The following CNTNAP4 variants were observed in gnomAD, a reference collection of about 807,000 sequenced individuals.
The protein encoded by CNTNAP4 is contactin-associated protein-like 4.
Under a neutral mutation model 148.4 loss-of-function variants are expected in CNTNAP4, and 98 were observed. The ratio of observed to expected loss-of-function variants is 0.66; its 90% confidence interval spans 0.56 to 0.78. The LOEUF is 0.78. CNTNAP4 is among the 30% of genes least tolerant of loss of function. The pLI is 0.00. For synonymous variants in CNTNAP4, 730 were observed against 565.1 expected (o/e 1.29, Z -4.14); for missense variants, 1,935 against 1,565.6 (o/e 1.24, Z -3.98).
chr16:76,448,278 TGCTTTTATA>T, intron 5 of CNTNAP4, 63 bp downstream of exon 5: 1 of 1,190,454 alleles, frequency 8.4e-7, no homozygotes, highest in East Asian at 2.4e-5. Flanking sequence ...AGTCACTTTA[TGCTTTTATA>T]GCTTATCTTT....
chr16:76,532,216 G>T (rs963231378), intron 17 of CNTNAP4, among the ~76,000 whole-genome samples: 7 of 152,190 alleles, frequency 4.6e-5, no homozygotes, highest in African/African-American at 1.7e-4. Flanking sequence ...ATGCATACAA[G>T]AAAACGGATA....
At chr16:76,516,269 A>G (rs1347796357) in intron 15 of CNTNAP4, among the ~76,000 whole-genome samples, 4 of 152,196 alleles carry the variant, frequency 2.6e-5, no homozygotes, top group African/African-American at 7.2e-5. Context: ...AAAGGACATT[A>G]ACTCATTCTT....
chr16:76,344,867 G>T (rs1337291501), intron 2 of CNTNAP4, among the ~76,000 whole-genome samples: 3 of 152,146 alleles, frequency 2.0e-5, no homozygotes, highest in Admixed American at 2.0e-4. Context: ...AAATGGCAGT[G>T]GGTATATAAT....
At chr16:76,463,785 C>G (rs753599879) in intron 9 of CNTNAP4, among the ~76,000 whole-genome samples, 19 of 152,244 alleles carry the variant, frequency 1.2e-4, no homozygotes, top group Non-Finnish European at 2.5e-4. Flanking sequence ...TATGTAAATG[C>G]TCTCCTGAAT....
At chr16:76,535,407 C>T in intron 17 of CNTNAP4, 138 bp from the exon 18 acceptor site, 2 of 820,390 alleles carry the variant, frequency 2.4e-6, no homozygotes, top group Non-Finnish European at 3.8e-6. Context: ...TATATTTGAC[C>T]ATGAATTGTG....
chr16:76,457,342 A>C (rs1279092205), intron 8 of CNTNAP4, among the ~76,000 whole-genome samples: 1 of 152,258 alleles, frequency 6.6e-6, no homozygotes, highest in Non-Finnish European at 1.5e-5. Flanking sequence ...AAGTCTCCTC[A>C]TCATAGGCAA....
At chr16:76,341,847 G>C (rs1034285785) in intron 2 of CNTNAP4, among the ~76,000 whole-genome samples, 1 of 152,164 alleles carries the variant, frequency 6.6e-6, no homozygotes, top group African/African-American at 2.4e-5. Context: ...AAAGAAAAAT[G>C]GCTCCATGAA....
intron 17 of CNTNAP4, among the ~76,000 whole-genome samples, chr16:76,530,975 G>A (rs4471709): frequency 0.015 from 2,208 of 152,264 alleles, 56 homozygotes; most frequent in African/African-American, 0.05. Flanking sequence ...TGCATGCCCT[G>A]TCACTATTCT....
At chr16:76,434,073 TA>T (rs2079718414) in intron 4 of CNTNAP4, among the ~76,000 whole-genome samples, 1 of 149,904 alleles carries the variant, frequency 6.7e-6, no homozygotes, top group Non-Finnish European at 1.5e-5. Context: ...GAAATTTATA[TA>T]TACAAAGGGA....
At chr16:76,335,562 C>A (rs1225846499) in intron 2 of CNTNAP4, among the ~76,000 whole-genome samples, 1 of 152,306 alleles carries the variant, frequency 6.6e-6, no homozygotes, top group African/African-American at 2.4e-5. Context: ...GAATCACTTT[C>A]TCTGAAGCCC....
intron 1 of CNTNAP4, among the ~76,000 whole-genome samples, chr16:76,304,479 G>T (rs757744570): frequency 1.3e-5 from 2 of 152,130 alleles, no homozygotes; most frequent in Admixed American, 1.3e-4. Flanking sequence ...AGAAAAGGGG[G>T]CACTATGGCT....
At chr16:76,334,959 T>C (rs1199951404) in intron 2 of CNTNAP4, among the ~76,000 whole-genome samples, 1 of 152,060 alleles carries the variant, frequency 6.6e-6, no homozygotes, top group African/African-American at 2.4e-5. Context: ...ATTTTTCTAG[T>C]ATTTGTGATC....
intron 2 of CNTNAP4, among the ~76,000 whole-genome samples, chr16:76,321,806 A>C (rs1962448196): frequency 6.6e-6 from 1 of 150,598 alleles, no homozygotes; most frequent in Non-Finnish European, 1.5e-5. Context: ...AAAAAAAAAA[A>C]ACTTTATAAT....
At chr16:76,371,975 T>C (rs1299283358) in intron 3 of CNTNAP4, among the ~76,000 whole-genome samples, 3 of 152,194 alleles carry the variant, frequency 2.0e-5, no homozygotes, top group African/African-American at 4.8e-5. Flanking sequence ...TCTAAGTTCT[T>C]ACTTCCAATG....
At chr16:76,451,599 ATGTGTGTGTGTG>A (rs71134761) in intron 7 of CNTNAP4, among the ~76,000 whole-genome samples, 11 of 141,256 alleles carry the variant, frequency 7.8e-5, no homozygotes, top group African/African-American at 1.3e-4. Flanking sequence ...TTTTAGATAG[ATGTGTGTGTGTG>A]TGTGTGTGTG....
At chr16:76,354,468 CT>C (rs1423399508) in intron 2 of CNTNAP4, among the ~76,000 whole-genome samples, 2 of 152,144 alleles carry the variant, frequency 1.3e-5, no homozygotes, top group Non-Finnish European at 2.9e-5. Flanking sequence ...CCTTGGTTCT[CT>C]TTTCCCCCAT....
intron 3 of CNTNAP4, among the ~76,000 whole-genome samples, chr16:76,370,054 C>G (rs536636536): frequency 3.8e-4 from 58 of 152,288 alleles, no homozygotes; most frequent in Non-Finnish European, 5.7e-4. Context: ...CTGGGTACAC[C>G]TTTACCTAGT....
intron 3 of CNTNAP4, among the ~76,000 whole-genome samples, chr16:76,412,170 T>C (rs1433192353): frequency 2.6e-5 from 4 of 151,376 alleles, no homozygotes; most frequent in African/African-American, 7.3e-5. Flanking sequence ...CCTACAGTAA[T>C]GAAAATAAGT....
intron 15 of CNTNAP4, among the ~76,000 whole-genome samples, chr16:76,513,740 A>G (rs2083121602): frequency 6.6e-6 from 1 of 152,196 alleles, no homozygotes; most frequent in South Asian, 2.1e-4. Context: ...AGTTATTAAG[A>G]ACCCTTCTAC....
Sources: allele counts gnomAD v4.1 joint callset (sites outside exome capture counted in the v4.1 genomes callset), GRCh38; gene constraint gnomAD v4.1.1; transcripts MANE v1.5; gene names NCBI Gene and HGNC (gene_info 2026-07-23, HGNC 2026-07-21).